Variants in C12orf54 observed in about 807,000 individuals in gnomAD.
The protein encoded by C12orf54 is chromosome 12 open reading frame 54.
Under a neutral mutation model 26.4 loss-of-function variants are expected in C12orf54, and 24 were observed. The observed-to-expected ratio is 0.91, with a 90% CI of 0.66 to 1.28. C12orf54 has a LOEUF of 1.28. Ranked by LOEUF, C12orf54 falls within the 50% of genes most tolerant of loss-of-function variation. The pLI is 0.00. For synonymous variants in C12orf54, 54 were observed against 47.0 expected (o/e 1.15, Z -0.61); for missense variants, 154 against 150.9 (o/e 1.02, Z -0.11).
the C12orf54 span, among the ~76,000 whole-genome samples, chr12:48,436,459 T>C: frequency 6.6e-6 from 1 of 152,248 alleles, no homozygotes; most frequent in African/African-American, 2.4e-5. Flanking sequence ...AATATACATT[T>C]TTTTCAGCAC....
chr12:48,471,367 T>C, the C12orf54 span, among the ~76,000 whole-genome samples: 1 of 152,194 alleles, frequency 6.6e-6, no homozygotes, highest in Non-Finnish European at 1.5e-5. Flanking sequence ...TTAGGTTGCT[T>C]CCAAATCTTA....
the C12orf54 span, among the ~76,000 whole-genome samples, chr12:48,437,816 G>A: frequency 6.6e-6 from 1 of 151,990 alleles, no homozygotes; most frequent in Non-Finnish European, 1.5e-5. Flanking sequence ...GACAAAAACT[G>A]GAAGCATTCC....
At chr12:48,490,281 C>T (rs1164297004) in intron 5 of C12orf54, among the ~76,000 whole-genome samples, 1 of 152,188 alleles carries the variant, frequency 6.6e-6, no homozygotes, top group East Asian at 1.9e-4. Context: ...TGAGCATATG[C>T]TGTATGCAGG....
chr12:48,438,821 A>G, the C12orf54 span, among the ~76,000 whole-genome samples: 1 of 152,172 alleles, frequency 6.6e-6, no homozygotes, highest in Non-Finnish European at 1.5e-5. Context: ...AACCTAGACA[A>G]TACCATTCAG....
At chr12:48,477,444 T>C in the C12orf54 span, among the ~76,000 whole-genome samples, 1 of 151,970 alleles carries the variant, frequency 6.6e-6, no homozygotes, top group African/African-American at 2.4e-5. Flanking sequence ...TTCAAAAAAT[T>C]AATGAATCCA....
the C12orf54 span, among the ~76,000 whole-genome samples, chr12:48,466,927 C>A: frequency 2.6e-5 from 4 of 151,958 alleles, no homozygotes; most frequent in Non-Finnish European, 1.5e-5. Context: ...TGAAAATAAC[C>A]AAAATGTCCA....
At chr12:48,480,084 T>C (rs987991314), upstream of C12orf54, among the ~76,000 whole-genome samples, 3 of 152,284 alleles carry the variant, frequency 2.0e-5, no homozygotes, top group Non-Finnish European at 2.9e-5. Context: ...CATTAAAAGC[T>C]TCATTTAAAA....
At chr12:48,472,772 C>G in the C12orf54 span, 1 of 1,614,118 alleles carries the variant, frequency 6.2e-7, no homozygotes, top group South Asian at 1.1e-5. Context: ...AATTGGAAGG[C>G]CTCACAGATG....
the C12orf54 span, among the ~76,000 whole-genome samples, chr12:48,477,205 G>T: frequency 6.6e-6 from 1 of 152,070 alleles, no homozygotes; most frequent in East Asian, 1.9e-4. Context: ...CAATGAGAAC[G>T]AAGACACAAC....
chr12:48,473,033 C>A, the C12orf54 span: 4 of 1,613,992 alleles, frequency 2.5e-6, no homozygotes, highest in Non-Finnish European at 2.5e-6. Context: ...TTTTCACTTG[C>A]GAGGTAACCA....
chr12:48,430,025 A>G, the C12orf54 span, among the ~76,000 whole-genome samples: 1 of 152,044 alleles, frequency 6.6e-6, no homozygotes, highest in Non-Finnish European at 1.5e-5. Context: ...CCTACAGCCA[A>G]CTCATCTTCA....
the C12orf54 span, among the ~76,000 whole-genome samples, chr12:48,424,037 C>A: frequency 6.6e-6 from 1 of 151,960 alleles, no homozygotes; most frequent in Non-Finnish European, 1.5e-5. Flanking sequence ...TTGATGAGTT[C>A]TTTTCTTTTT....
At chr12:48,420,541 C>T in the C12orf54 span, among the ~76,000 whole-genome samples, 2 of 152,064 alleles carry the variant, frequency 1.3e-5, no homozygotes, top group Admixed American at 1.3e-4. Flanking sequence ...ACCTGGGAAC[C>T]ATCTCTTTGA....
chr12:48,488,314 G>A (rs541880907), intron 4 of C12orf54: 2 of 545,276 alleles, frequency 3.7e-6, no homozygotes, highest in South Asian at 3.4e-5. Context: ...GAAGCCAACA[G>A]AGATACCTAC....
chr12:48,480,995 T>A (rs538230721), upstream of C12orf54, among the ~76,000 whole-genome samples: 3 of 152,232 alleles, frequency 2.0e-5, no homozygotes, highest in East Asian at 5.8e-4. Context: ...TGTTCTCACC[T>A]GTAAGTGGAA....
the C12orf54 span, among the ~76,000 whole-genome samples, chr12:48,452,111 A>T: frequency 2.6e-5 from 4 of 152,230 alleles, no homozygotes; most frequent in Non-Finnish European, 5.9e-5. Flanking sequence ...TAACCAAAAC[A>T]GCCTAGTACT....
At chr12:48,479,849 T>C (rs1954180621), upstream of C12orf54, among the ~76,000 whole-genome samples, 1 of 152,142 alleles carries the variant, frequency 6.6e-6, no homozygotes, top group Non-Finnish European at 1.5e-5. Context: ...CTGTTTGTCA[T>C]TGATAAGTTT....
the C12orf54 span, among the ~76,000 whole-genome samples, chr12:48,469,658 TTGGGG>T: frequency 1.3e-4 from 20 of 152,194 alleles, no homozygotes; most frequent in African/African-American, 4.6e-4. Flanking sequence ...AGAGTATTGA[TTGGGG>T]AAGTGATAAG....
the C12orf54 span, among the ~76,000 whole-genome samples, chr12:48,434,012 C>G: frequency 6.6e-6 from 1 of 152,190 alleles, no homozygotes; most frequent in East Asian, 1.9e-4. Flanking sequence ...CCCTTTCCTA[C>G]TCAAAGAAAG....
Sources: allele counts gnomAD v4.1 joint callset (sites outside exome capture counted in the v4.1 genomes callset), GRCh38; gene constraint gnomAD v4.1.1; transcripts MANE v1.5; gene names NCBI Gene and HGNC (gene_info 2026-07-23, HGNC 2026-07-21).